Variants in GNAI2 observed in about 807,000 individuals in gnomAD.
GNAI2 encodes the protein guanine nucleotide-binding protein G(i) subunit alpha-2.
A neutral mutation model predicts 36.8 loss-of-function variants in GNAI2; 4 were observed. That is an observed-to-expected ratio of 0.11 (90% CI 0.05 to 0.25). The LOEUF is 0.25. GNAI2 is among the 10% of genes least tolerant of loss of function. The probability of loss-of-function intolerance (pLI) is 1.00; values close to 1 mark genes in which losing one functional copy is unlikely to be tolerated. For missense variants in GNAI2, 230 were observed against 481.3 expected, an observed-to-expected ratio of 0.48 and a Z score of 4.89; for synonymous variants, 194 against 194.1, an observed-to-expected ratio of 1.00 and a Z score of 0.01.
At chr3:50,239,306 G>A (rs778992942) in intron 1 of GNAI2, among the ~76,000 whole-genome samples, 16 of 152,200 alleles carry the variant, frequency 1.1e-4, no homozygotes, top group South Asian at 8.3e-4. Context: ...CTGGAACTTT[G>A]TGTGTGTTGT....
chr3:50,236,237 G>C lies in GNAI2; in HGVS notation c.-99G>C, dbSNP rs1394695857. On this transcript the variant is annotated 5_prime_UTR_variant, in exon 1 of 9. Coordinates refer to ENST00000313601, the MANE Select transcript of GNAI2 (RefSeq NM_002070.4). The surrounding 1 kb of genome is among the most constrained non-coding windows in gnomAD (Gnocchi z 4.0). The stretch of plus-strand genomic sequence containing the variant: ...GGAACTGCCGACCCGAGTGCTTCCC[G>C]CAGAGGGCTGGTGGTGGGAGCGGAG... 1.2e-5 allele frequency: 14 copies of C among 1,193,956 alleles called. No individual in the cohort carries two copies. The highest frequency in any genetic ancestry group is 1.5e-5 in the Non-Finnish European group (14 of 963,284). The allele number at this position is 1,193,956 out of a possible 1,614,324, so 74.0% of individuals were successfully genotyped here. A position where few individuals can be genotyped will look rare whatever the true frequency, so the allele number is the denominator to read the frequency against.
intron 8 of GNAI2, 168 bp from the exon 9 acceptor site, chr3:50,258,200 C>T (rs1455581777): frequency 1.3e-5 from 2 of 154,060 alleles, no homozygotes; most frequent in African/African-American, 4.8e-5. Flanking sequence ...GTGCCACAGA[C>T]TCCCCTCCCC....
chr3:50,246,917 G>C, intron 1 of GNAI2: 1 of 1,458,408 alleles, frequency 6.9e-7, no homozygotes, highest in African/African-American at 1.4e-5. Flanking sequence ...CCTGTCCCAG[G>C]TTATGCTGAG....
At chr3:50,237,082 T>G (rs1485013571) in intron 1 of GNAI2, among the ~76,000 whole-genome samples, 1 of 152,258 alleles carries the variant, frequency 6.6e-6, no homozygotes, top group Non-Finnish European at 1.5e-5. Flanking sequence ...GATCCTTCTC[T>G]GCAGGCATCA....
At chr3:50,235,043 G>T (rs1379480761), upstream of GNAI2, among the ~76,000 whole-genome samples, 3 of 152,142 alleles carry the variant, frequency 2.0e-5, no homozygotes, top group Admixed American at 6.6e-5. Flanking sequence ...TAAGATCATG[G>T]CCACTTTTGT....
In GNAI2 at chr3:50,253,519, C is replaced by T. The variant is rs183526999; in HGVS notation, c.464+335C>T. 6.6e-6 allele frequency among the ~76,000 whole-genome samples: 1 copy of T among 151,932 alleles called. No individual in the cohort carries two copies. The highest frequency in any genetic ancestry group is 1.5e-5 in the Non-Finnish European group (1 of 67,984). Reference sequence around the variant, plus strand: ...CAGCACTTTGGGAGGCTGAGACAGGCGGGTCGTGAGATCAGGAGATCGAGA... The same window carrying T: ...CAGCACTTTGGGAGGCTGAGACAGGTGGGTCGTGAGATCAGGAGATCGAGA... On this transcript the variant is annotated intron_variant, in intron 4 of 8. Transcript: ENST00000313601. This position sits in a 1 kb window ranked among gnomAD's most constrained non-coding sequence, Gnocchi z 4.2.
At chr3:50,249,500 T>C (rs1356081303) in intron 1 of GNAI2, among the ~76,000 whole-genome samples, 4 of 152,046 alleles carry the variant, frequency 2.6e-5, no homozygotes, top group Non-Finnish European at 2.9e-5. Context: ...GGTGCTGGTA[T>C]ATATCCCGGT....
At chr3:50,250,357 T>C (rs1400247271) in intron 1 of GNAI2, among the ~76,000 whole-genome samples, 2 of 152,118 alleles carry the variant, frequency 1.3e-5, no homozygotes, top group South Asian at 4.1e-4. Flanking sequence ...TTGGCCAGAG[T>C]ACCCAAGTTT....
At position 50,241,607 on chromosome 3, in the gene GNAI2, G is replaced by A. The variant is rs880003379; in HGVS notation, c.118+5154G>A. ...GAGCTCAGCTGGGGGCATCCCAGGC[G>A]GGTTGGGGAGAGGAACCCCAGACAG... On this transcript the variant is annotated intron_variant, in intron 1 of 8. Coordinates refer to ENST00000313601, the MANE Select transcript of GNAI2 (RefSeq NM_002070.4). The surrounding 1 kb of genome is among the most constrained non-coding windows in gnomAD (Gnocchi z 5.0). Among the ~76,000 whole-genome samples, 3 of 152,192 alleles carry A rather than the reference G, an allele frequency of 2.0e-5. No homozygotes were observed. Among genetic ancestry groups the A allele is most frequent in the Non-Finnish European group, 2.9e-5 (2 of 68,020 alleles).
chr3:50,231,118 C>A, intron 1 of GNAI2: 1 of 178,022 alleles, frequency 5.6e-6, no homozygotes, highest in Non-Finnish European at 1.1e-5. Context: ...TATTCTTCCG[C>A]ACTGTTCTTC....
intron 1 of GNAI2, among the ~76,000 whole-genome samples, chr3:50,246,179 T>G (rs587685285): frequency 1.3e-5 from 2 of 152,142 alleles, no homozygotes; most frequent in Admixed American, 6.5e-5. Flanking sequence ...TCTCTGCCCC[T>G]CCCTCCCGTT....
upstream of GNAI2, among the ~76,000 whole-genome samples, chr3:50,228,780 G>T (rs587615929): frequency 2.6e-5 from 4 of 152,274 alleles, no homozygotes; most frequent in South Asian, 8.3e-4. Context: ...CTTTTCAAAA[G>T]CTTTTTCTCC....
In GNAI2 at chr3:50,256,290, C is replaced by A. The variant is rs1700701776; in HGVS notation, c.563C>A (p.Thr188Lys). ...GTAAAGACCACGGGGATCGTGGAGA[C>A]ACACTTCACCTTCAAGGACCTACAC... ...TRVKTTGIVETHFTFKDLHFK... is the reference protein window; with the variant it reads ...TRVKTTGIVEKHFTFKDLHFK... Residue 188 changes from threonine (T) to lysine (K), a missense_variant, in exon 5 of 9, where the codon ACA becomes AAA. Thr to Lys is a moderately conservative substitution (Grantham distance 78, BLOSUM62 -1). Coordinates refer to ENST00000313601, the MANE Select transcript of GNAI2 (RefSeq NM_002070.4). The A allele has an allele frequency of 6.2e-7, 1 of 1,613,296 alleles. No individual in the cohort carries two copies. The highest frequency in any genetic ancestry group is 1.3e-5 in the African/African-American group (1 of 74,766).
At chr3:50,250,379 A>T (rs1384398607) in intron 1 of GNAI2, among the ~76,000 whole-genome samples, 1 of 152,216 alleles carries the variant, frequency 6.6e-6, no homozygotes, top group Admixed American at 6.5e-5. Context: ...ACCTCTGCAC[A>T]GACCTTACTA....
rs781939248 is a variant in GNAI2 at position 50,253,015 on chromosome 3, T to C, written c.304-9T>C. ...CTTCAACTGCCTGACCACCCGCCACTGTGCCCAGGACGACGCCAGGCAGCT... is the reference window on the plus strand; with the variant it reads ...CTTCAACTGCCTGACCACCCGCCACCGTGCCCAGGACGACGCCAGGCAGCT... On this transcript the variant is annotated splice_polypyrimidine_tract_variant and intron_variant, in intron 3 of 8. Transcript: ENST00000313601. The surrounding 1 kb of genome is among the most constrained non-coding windows in gnomAD (Gnocchi z 4.2). 1.3e-6 allele frequency: 2 copies of C among 1,574,400 alleles called. No individual in the cohort carries two copies. The highest frequency in any genetic ancestry group is 1.3e-5 in the African/African-American group (1 of 74,284).
chr3:50,243,577 C>A (rs149493896), intron 1 of GNAI2, among the ~76,000 whole-genome samples: 3 of 152,278 alleles, frequency 2.0e-5, no homozygotes, highest in Non-Finnish European at 4.4e-5. Flanking sequence ...CCTGTTTCCC[C>A]TCAGGTGATA....
rs1342034837 is a variant in GNAI2 at position 50,238,194 on chromosome 3, G to A, written c.118+1741G>A. ...TGCTGCTGCTGCCCGACGGGCCTGG[G>A]GAGGGCACTTCCGGTACCGCTGCCT... On this transcript the variant is annotated intron_variant, in intron 1 of 8. Transcript: ENST00000313601. The surrounding 1 kb of genome is among the most constrained non-coding windows in gnomAD (Gnocchi z 5.0). 6.6e-6 allele frequency: 1 copy of A among 152,224 alleles called. No individual in the cohort carries two copies. The highest frequency in any genetic ancestry group is 1.9e-4 in the East Asian group (1 of 5,202). The allele number at this position is 152,224 out of a possible 1,614,324, so 9.4% of individuals were successfully genotyped here.
chr3:50,246,954 G>C (rs1700438975), intron 1 of GNAI2: 21 of 1,504,868 alleles, frequency 1.4e-5, no homozygotes, highest in Non-Finnish European at 1.9e-5. Context: ...CCACAGCTCT[G>C]AATCAGCCTG....
At position 50,258,508 on chromosome 3, in the gene GNAI2, AGGGG is replaced by A. The variant is rs1553703613; in HGVS notation, c.*166_*169del. Reference sequence around the variant, plus strand: ...CCCCTGTCCCCTCAGCTCCAGACGTAGGGGAGGGGTTGCCACAGGCCTCCCTGTT... The same window carrying A: ...CCCCTGTCCCCTCAGCTCCAGACGTAAGGGGTTGCCACAGGCCTCCCTGTT... On this transcript the variant is annotated 3_prime_UTR_variant, in exon 9 of 9. Coordinates refer to ENST00000313601, the MANE Select transcript of GNAI2 (RefSeq NM_002070.4). The A allele has an allele frequency of 6.0e-6, 1 of 165,552 alleles. No homozygotes were observed. The highest frequency in any genetic ancestry group is 6.1e-5 in the Admixed American group (1 of 16,444). The allele number at this position is 165,552 out of a possible 1,614,324, so 10.3% of individuals were successfully genotyped here.
Sources: allele counts gnomAD v4.1 joint callset (sites outside exome capture counted in the v4.1 genomes callset), GRCh38; gene constraint gnomAD v4.1.1; non-coding constraint Gnocchi (gnomAD v3.1); transcripts MANE v1.5; gene names NCBI Gene and HGNC (gene_info 2026-07-23, HGNC 2026-07-21).